DPF3: variants seen among roughly 807,000 people sequenced by gnomAD.
DPF3 encodes double PHD fingers 3.
In DPF3, 18 loss-of-function variants were observed where a neutral mutation model predicts 56.8. The observed-to-expected ratio is 0.32, with a 90% CI of 0.22 to 0.47. The LOEUF (loss-of-function observed/expected upper bound fraction) is 0.47. DPF3 is among the 20% of genes least tolerant of loss of function. The pLI, the probability that DPF3 is intolerant of heterozygous loss-of-function variation, is 1.00. For synonymous variants in DPF3, 188 were observed against 180.2 expected (o/e 1.04, Z -0.35); for missense variants, 403 against 488.8 (o/e 0.82, Z 1.65).
intron 1 of DPF3, among the ~76,000 whole-genome samples, chr14:72,863,116 ATATG>A (rs1348030786): frequency 1.2e-4 from 14 of 117,960 alleles, no homozygotes; most frequent in African/African-American, 4.9e-4. Flanking sequence ...GTGTATACAT[ATATG>A]TGTGTGTGTG....
intron 1 of DPF3, among the ~76,000 whole-genome samples, chr14:72,784,363 G>GAA (rs1892120728): frequency 6.6e-6 from 1 of 152,112 alleles, no homozygotes; most frequent in Non-Finnish European, 1.5e-5. Context: ...GTGCACCCTA[G>GAA]AAATGCCTAA....
chr14:72,691,384 T>C (rs1452679846), intron 7 of DPF3, among the ~76,000 whole-genome samples: 2 of 152,150 alleles, frequency 1.3e-5, no homozygotes, highest in African/African-American at 4.8e-5. Flanking sequence ...AAAGTTAAAA[T>C]GGGCTTGTCA....
At chr14:72,712,881 T>A (rs1283227199) in intron 6 of DPF3, among the ~76,000 whole-genome samples, 1 of 152,120 alleles carries the variant, frequency 6.6e-6, no homozygotes, top group African/African-American at 2.4e-5. Flanking sequence ...TCTTAAAAAA[T>A]TAAATAAATA....
chr14:72,729,714 G>A (rs931399920), intron 4 of DPF3, among the ~76,000 whole-genome samples: 1 of 152,186 alleles, frequency 6.6e-6, no homozygotes, highest in Admixed American at 6.5e-5. Context: ...ATGACATCCT[G>A]GAAGAGGCAA....
chr14:72,639,753 C>T (rs77214655), intron 8 of DPF3, among the ~76,000 whole-genome samples: 5,880 of 152,088 alleles, frequency 0.039, 190 homozygotes, highest in East Asian at 0.11. Context: ...GCCAGAGGCA[C>T]CCAGATAAAA....
At chr14:72,620,111 T>C (rs1884334607) in intron 9 of DPF3, 127 bp from the exon 10 acceptor site, 3 of 935,532 alleles carry the variant, frequency 3.2e-6, no homozygotes, top group Non-Finnish European at 4.6e-6. Flanking sequence ...CAGGCCCCAC[T>C]TGGAGTCCTC....
At chr14:72,874,955 G>T (rs1886054026) in intron 1 of DPF3, among the ~76,000 whole-genome samples, 1 of 152,164 alleles carries the variant, frequency 6.6e-6, no homozygotes, top group South Asian at 2.1e-4. Context: ...AGTTTTAATT[G>T]GACTTACAGT....
At chr14:72,653,407 G>T (rs979554630) in intron 8 of DPF3, among the ~76,000 whole-genome samples, 18 of 152,218 alleles carry the variant, frequency 1.2e-4, no homozygotes, top group African/African-American at 4.3e-4. Flanking sequence ...GGCCAGCGAG[G>T]AGCCTACCGA....
At position 72,652,934 on chromosome 14, in the gene DPF3, C is replaced by T. The variant is rs558627993; in HGVS notation, c.871+21306G>A. The stretch of plus-strand genomic sequence containing the variant: ...GGGAAGAGAGGTCAATGTGAAGGCT[C>T]ACATCCAATTGTTTTTCCTTTCCTC... On this transcript the variant is annotated intron_variant, in intron 8 of 10. Transcript: ENST00000556509. 3.9e-5 allele frequency among the ~76,000 whole-genome samples: 6 copies of T among 152,272 alleles called. No homozygotes were observed. In the South Asian group the frequency reaches 1.2e-3, roughly 32 times the overall value.
chr14:72,676,787 T>A (rs1886932127), intron 7 of DPF3, among the ~76,000 whole-genome samples: 1 of 152,108 alleles, frequency 6.6e-6, no homozygotes, highest in Non-Finnish European at 1.5e-5. Flanking sequence ...GAACTGTGAG[T>A]CCATTAAATC....
intron 1 of DPF3, among the ~76,000 whole-genome samples, chr14:72,887,591 G>A (rs1886596557): frequency 6.6e-6 from 1 of 152,224 alleles, no homozygotes; most frequent in Admixed American, 6.5e-5. Context: ...TGTCCTCTCT[G>A]TCCTAATCCA....
intron 1 of DPF3, among the ~76,000 whole-genome samples, chr14:72,884,412 G>T (rs1201590389): frequency 6.6e-6 from 1 of 152,136 alleles, no homozygotes; most frequent in Non-Finnish European, 1.5e-5. Flanking sequence ...ATTATTGACT[G>T]CCTGAGGAGG....
At chr14:72,771,094 T>G (rs1051409561) in intron 2 of DPF3, among the ~76,000 whole-genome samples, 11 of 151,610 alleles carry the variant, frequency 7.3e-5, no homozygotes, top group Non-Finnish European at 7.4e-5. Context: ...GAGAATCACT[T>G]GAACCCGGGA....
At chr14:72,720,143 C>G (rs762512843) in intron 5 of DPF3, among the ~76,000 whole-genome samples, 3 of 152,014 alleles carry the variant, frequency 2.0e-5, no homozygotes, top group Non-Finnish European at 4.4e-5. Flanking sequence ...TCTGACAAGA[C>G]AAATGGGCAT....
chr14:72,706,565 C>T (rs1888411455), intron 6 of DPF3, among the ~76,000 whole-genome samples: 1 of 152,148 alleles, frequency 6.6e-6, no homozygotes, highest in African/African-American at 2.4e-5. Flanking sequence ...ATGGAGACTC[C>T]TACAGCAAAA....
At position 72,796,461 on chromosome 14, in the gene DPF3, C is replaced by G. The variant is rs145862989; in HGVS notation, c.33-24568G>C. Among the ~76,000 whole-genome samples the G allele has an allele frequency of 9.6e-3, 1,465 of 152,236 alleles. 27 individuals carry two copies. The highest frequency in any genetic ancestry group is 0.034 in the African/African-American group (1,392 of 41,536). ...GAGGTTACAATAAGCCAAGATCATGCCACTGCACTCCAGCCTGGGTTACAG... is the reference window on the plus strand; with the variant it reads ...GAGGTTACAATAAGCCAAGATCATGGCACTGCACTCCAGCCTGGGTTACAG... On this transcript the variant is annotated intron_variant, in intron 1 of 10. Transcript: ENST00000556509.
intron 7 of DPF3, among the ~76,000 whole-genome samples, chr14:72,680,112 T>A (rs1281221596): frequency 6.6e-6 from 1 of 152,050 alleles, no homozygotes; most frequent in South Asian, 2.1e-4. Context: ...GGGTTAAAAG[T>A]GGCGTGATAG....
rs1599351848 is a variant in DPF3 at position 72,680,400 on chromosome 14, G to C, written c.743-6032C>G. Among the ~76,000 whole-genome samples, 3 of 152,348 alleles carry C rather than the reference G, an allele frequency of 2.0e-5. 1 individual carries two copies. Among genetic ancestry groups the C allele is most frequent in the Admixed American group, 2.0e-4 (3 of 15,308 alleles). Reference sequence around the variant, plus strand: ...GGCTCCAGGAGGAAGACAAAGGAAGGCTTCATCCCAAATGTGGAGGGGCAG... The same window carrying C: ...GGCTCCAGGAGGAAGACAAAGGAAGCCTTCATCCCAAATGTGGAGGGGCAG... On this transcript the variant is annotated intron_variant, in intron 7 of 10. Transcript: ENST00000556509.
At chr14:72,713,633 C>T (rs1036481281) in intron 6 of DPF3, among the ~76,000 whole-genome samples, 1 of 152,144 alleles carries the variant, frequency 6.6e-6, no homozygotes. Flanking sequence ...TGAGGGCTGC[C>T]CTCCCATAGA....
Sources: allele counts gnomAD v4.1 joint callset (sites outside exome capture counted in the v4.1 genomes callset), GRCh38; gene constraint gnomAD v4.1.1; transcripts MANE v1.5; gene names NCBI Gene and HGNC (gene_info 2026-07-23, HGNC 2026-07-21).